The following CSMD1 variants were observed in gnomAD, a reference collection of about 807,000 sequenced individuals.
The protein encoded by CSMD1 is CUB and Sushi multiple domains 1.
Under a neutral mutation model 417.5 loss-of-function variants are expected in CSMD1, and 213 were observed. The observed-to-expected ratio is 0.51, with a 90% CI of 0.46 to 0.57. The LOEUF is 0.57. Ranked by LOEUF, CSMD1 falls within the 20% of genes least tolerant of loss-of-function variation. The pLI is 0.00. For synonymous variants in CSMD1, 2,862 were observed against 1,736.8 expected, an observed-to-expected ratio of 1.65 and a Z score of -16.11; for missense variants, 6,923 against 4,529.7, an observed-to-expected ratio of 1.53 and a Z score of -15.17.
At chr8:3,664,562 G>A (rs1304407099) in intron 7 of CSMD1, among the ~76,000 whole-genome samples, 1 of 152,228 alleles carries the variant, frequency 6.6e-6, no homozygotes, top group Non-Finnish European at 1.5e-5. Context: ...CCTCATGAGA[G>A]AAAAGCAAAG....
At chr8:3,897,617 C>T (rs577292186) in intron 5 of CSMD1, among the ~76,000 whole-genome samples, 1 of 151,708 alleles carries the variant, frequency 6.6e-6, no homozygotes, top group South Asian at 2.1e-4. Context: ...TAAACTGCAA[C>T]TCAAAATGGA....
chr8:4,278,821 G>T (rs1796627137), intron 3 of CSMD1, among the ~76,000 whole-genome samples: 1 of 152,106 alleles, frequency 6.6e-6, no homozygotes, highest in African/African-American at 2.4e-5. Flanking sequence ...TTTGGCTCTT[G>T]GAGTATTTAT....
chr8:4,267,978 G>C (rs909262539), intron 3 of CSMD1, among the ~76,000 whole-genome samples: 6 of 152,076 alleles, frequency 3.9e-5, no homozygotes, highest in African/African-American at 9.7e-5. Flanking sequence ...TCTAGAGTCA[G>C]TACAAGTGAG....
At chr8:4,871,843 C>G (rs978652470) in intron 1 of CSMD1, among the ~76,000 whole-genome samples, 1 of 152,054 alleles carries the variant, frequency 6.6e-6, no homozygotes, top group Non-Finnish European at 1.5e-5. Context: ...AGGTTCTGTG[C>G]TTGCCAGCAG....
intron 3 of CSMD1, among the ~76,000 whole-genome samples, chr8:4,356,269 T>G (rs908029450): frequency 6.6e-6 from 1 of 152,140 alleles, no homozygotes; most frequent in Admixed American, 6.6e-5. Context: ...TCCCGGTCAC[T>G]GCAAATGCTG....
At chr8:2,997,476 C>T (rs1367248525) in intron 54 of CSMD1, among the ~76,000 whole-genome samples, 1 of 152,068 alleles carries the variant, frequency 6.6e-6, no homozygotes, top group Non-Finnish European at 1.5e-5. Flanking sequence ...TACAATACAC[C>T]ACCAATAAGA....
At chr8:3,919,558 C>A (rs975788693) in intron 5 of CSMD1, among the ~76,000 whole-genome samples, 4 of 152,084 alleles carry the variant, frequency 2.6e-5, no homozygotes, top group Non-Finnish European at 5.9e-5. Flanking sequence ...AATTTGATAT[C>A]AGGACATGTG....
intron 5 of CSMD1, among the ~76,000 whole-genome samples, chr8:3,825,117 G>A (rs758829744): frequency 1.3e-5 from 2 of 152,140 alleles, no homozygotes; most frequent in African/African-American, 2.4e-5. Flanking sequence ...CGAGGAAAAT[G>A]ATTTGAAAGG....
chr8:4,378,575 A>G (rs75389534), intron 3 of CSMD1, among the ~76,000 whole-genome samples: 13 of 152,202 alleles, frequency 8.5e-5, no homozygotes, highest in African/African-American at 1.7e-4. Flanking sequence ...CTGGTCTTCA[A>G]TAAGTTTCAA....
At chr8:3,878,553 G>A (rs557389327) in intron 5 of CSMD1, among the ~76,000 whole-genome samples, 4 of 151,978 alleles carry the variant, frequency 2.6e-5, no homozygotes, top group East Asian at 3.9e-4. Flanking sequence ...TATATAGATA[G>A]GAAGTATAGA....
chr8:4,385,676 A>C (rs1426017144), intron 3 of CSMD1, among the ~76,000 whole-genome samples: 1 of 152,194 alleles, frequency 6.6e-6, no homozygotes, highest in Non-Finnish European at 1.5e-5. Flanking sequence ...TATCCAAAGC[A>C]CATGCTAAAA....
intron 5 of CSMD1, among the ~76,000 whole-genome samples, chr8:3,834,170 T>G (rs76916252): frequency 6.6e-6 from 1 of 152,158 alleles, no homozygotes; most frequent in Non-Finnish European, 1.5e-5. Context: ...TACCTATTTT[T>G]TACCTATTCT....
chr8:4,099,389 C>T (rs1400688479), intron 3 of CSMD1, among the ~76,000 whole-genome samples: 1 of 152,120 alleles, frequency 6.6e-6, no homozygotes, highest in African/African-American at 2.4e-5. Flanking sequence ...CACCTCCTAT[C>T]GCTTACCTGA....
At chr8:4,338,183 T>A (rs936657959) in intron 3 of CSMD1, among the ~76,000 whole-genome samples, 1 of 152,150 alleles carries the variant, frequency 6.6e-6, no homozygotes, top group Non-Finnish European at 1.5e-5. Context: ...TTGGTACTAA[T>A]GCAAGAGTTA....
At chr8:4,562,828 G>C (rs965893912) in intron 2 of CSMD1, among the ~76,000 whole-genome samples, 1 of 152,094 alleles carries the variant, frequency 6.6e-6, no homozygotes, top group East Asian at 1.9e-4. Context: ...TATTATGTTA[G>C]AATATCAGGA....
intron 5 of CSMD1, among the ~76,000 whole-genome samples, chr8:3,822,139 G>A (rs1014548794): frequency 6.6e-6 from 1 of 152,026 alleles, no homozygotes; most frequent in East Asian, 1.9e-4. Flanking sequence ...TAAGAGCAAA[G>A]ACGGAACTTC....
At chr8:4,335,625 T>G (rs1800119653) in intron 3 of CSMD1, among the ~76,000 whole-genome samples, 1 of 152,152 alleles carries the variant, frequency 6.6e-6, no homozygotes, top group African/African-American at 2.4e-5. Context: ...GATTCATGTA[T>G]TTATTCAAAT....
chr8:3,930,535 T>A (rs1810068372), intron 5 of CSMD1, among the ~76,000 whole-genome samples: 1 of 150,294 alleles, frequency 6.7e-6, no homozygotes, highest in Non-Finnish European at 1.5e-5. Context: ...TTTTCAAAAG[T>A]TCTAAGTTGC....
intron 6 of CSMD1, among the ~76,000 whole-genome samples, chr8:3,711,326 A>T (rs895630061): frequency 1.3e-5 from 2 of 152,118 alleles, no homozygotes; most frequent in African/African-American, 4.8e-5. Flanking sequence ...GAAGACGAGG[A>T]GGTGGGCCAC....
Sources: gnomAD v4.1 joint callset for allele counts (sites outside exome capture counted in the v4.1 genomes callset) on GRCh38, gnomAD v4.1.1 for gene constraint, MANE v1.5 for transcripts, NCBI Gene and HGNC (gene_info 2026-07-23, HGNC 2026-07-21) for gene names.